PTPRT: variants seen among roughly 807,000 people sequenced by gnomAD.
The protein encoded by PTPRT is protein tyrosine phosphatase receptor type T.
A neutral mutation model predicts 176.8 loss-of-function variants in PTPRT; 56 were observed. The observed-to-expected ratio is 0.32, with a 90% CI of 0.26 to 0.40. PTPRT has a LOEUF of 0.40. PTPRT is among the 10% of genes least tolerant of loss of function. The pLI, the probability that PTPRT is intolerant of heterozygous loss-of-function variation, is 1.00. For missense variants in PTPRT, 1,540 were observed against 1,908.2 expected, an observed-to-expected ratio of 0.81 and a Z score of 3.60; for synonymous variants, 783 against 739.0, an observed-to-expected ratio of 1.06 and a Z score of -0.96.
rs190322943 is a variant in PTPRT at position 42,343,355 on chromosome 20, G to A, written c.1865+7273C>T. Among the ~76,000 whole-genome samples the A allele has an allele frequency of 2.5e-4, 38 of 152,262 alleles. 1 individual carries two copies. The highest frequency in any genetic ancestry group is 8.9e-4 in the African/African-American group (37 of 41,560). On this transcript the variant is annotated intron_variant, in intron 11 of 30. Transcript: ENST00000373187. ...CCCACGAACCAAGCCAGAAAACTGG[G>A]AGTCATGCTGGACAATGTCTTTTCC... is the stretch of plus-strand genomic sequence containing the variant.
intron 1 of PTPRT, among the ~76,000 whole-genome samples, chr20:42,941,088 AAATAAT>A (rs528920602): frequency 2.6e-4 from 39 of 150,466 alleles, no homozygotes; most frequent in African/African-American, 7.3e-4. Flanking sequence ...TCTCAAAAAA[AAATAAT>A]AATAATAATA....
intron 1 of PTPRT, among the ~76,000 whole-genome samples, chr20:43,085,962 C>G (rs1305413329): frequency 2.6e-5 from 4 of 152,066 alleles, no homozygotes; most frequent in African/African-American, 9.7e-5. Flanking sequence ...TCCCCACCCC[C>G]CCACAACTGA....
chr20:42,825,876 C>A (rs78205585), intron 2 of PTPRT, among the ~76,000 whole-genome samples: 13,275 of 151,956 alleles, frequency 0.087, 654 homozygotes, highest in South Asian at 0.2. Flanking sequence ...ACCAATTTAA[C>A]CCATGGAGTA....
chr20:42,798,703 T>C (rs1224758941), intron 2 of PTPRT, among the ~76,000 whole-genome samples: 1 of 152,168 alleles, frequency 6.6e-6, no homozygotes, highest in African/African-American at 2.4e-5. Context: ...TTTGTCACTT[T>C]GCGTGAACAA....
chr20:42,379,536 A>G (rs536074296), intron 9 of PTPRT, among the ~76,000 whole-genome samples: 1 of 152,312 alleles, frequency 6.6e-6, no homozygotes, highest in African/African-American at 2.4e-5. Flanking sequence ...CTTTTCCTAG[A>G]GGCACCTGAG....
chr20:42,852,216 A>C (rs2078485026), intron 2 of PTPRT, among the ~76,000 whole-genome samples: 1 of 152,204 alleles, frequency 6.6e-6, no homozygotes, highest in South Asian at 2.1e-4. Flanking sequence ...ATAAATATGT[A>C]ATCACTTTGG....
chr20:42,997,612 T>C (rs182105520), intron 1 of PTPRT, among the ~76,000 whole-genome samples: 67 of 152,288 alleles, frequency 4.4e-4, no homozygotes, highest in Middle Eastern at 3.4e-3. Context: ...AATAAATGAT[T>C]GTTATTGTTC....
chr20:42,192,965 G>T (rs575871922), intron 16 of PTPRT, among the ~76,000 whole-genome samples: 1 of 152,246 alleles, frequency 6.6e-6, no homozygotes, highest in East Asian at 1.9e-4. Context: ...CCAGTAAGAA[G>T]CACTGTTCTC....
intron 7 of PTPRT, among the ~76,000 whole-genome samples, chr20:42,570,083 C>T (rs748672157): frequency 6.6e-6 from 1 of 152,156 alleles, no homozygotes; most frequent in Non-Finnish European, 1.5e-5. Context: ...CACATGGCTC[C>T]CTCTGTCCTT....
At chr20:42,061,480 T>C in the PTPRT span, among the ~76,000 whole-genome samples, 2 of 152,250 alleles carry the variant, frequency 1.3e-5, no homozygotes, top group Non-Finnish European at 2.9e-5. Flanking sequence ...TTTTAATGTG[T>C]TGATAGTTTA....
At chr20:42,723,932 C>CA (rs1376325739) in intron 6 of PTPRT, among the ~76,000 whole-genome samples, 2 of 152,176 alleles carry the variant, frequency 1.3e-5, no homozygotes, top group East Asian at 3.9e-4. Flanking sequence ...GACTGGGACT[C>CA]AAATCCTTGC....
chr20:42,571,245 T>C (rs2073148100), intron 7 of PTPRT, among the ~76,000 whole-genome samples: 2 of 152,348 alleles, frequency 1.3e-5, no homozygotes, highest in South Asian at 2.1e-4. Flanking sequence ...TACTTGGTAG[T>C]TGAATCATGT....
rs2074381550 is a variant in PTPRT at position 42,630,424 on chromosome 20, C to T, written c.1153+47442G>A. On this transcript the variant is annotated intron_variant, in intron 7 of 30. Coordinates refer to ENST00000373187, the MANE Select transcript of PTPRT (RefSeq NM_007050.6). ...CAGCAATGATAAACTAATACAACAGCCCTGACTTGGGGGGAGGGTAAAGGA... is the reference window on the plus strand; with the variant it reads ...CAGCAATGATAAACTAATACAACAGTCCTGACTTGGGGGGAGGGTAAAGGA... Among the ~76,000 whole-genome samples the T allele has an allele frequency of 3.9e-5, 6 of 152,170 alleles. No individual in the cohort carries two copies. In the South Asian group the frequency reaches 1.2e-3, roughly 32 times the overall value.
intron 7 of PTPRT, among the ~76,000 whole-genome samples, chr20:42,541,898 T>G (rs1391347742): frequency 6.7e-6 from 1 of 149,678 alleles, no homozygotes; most frequent in South Asian, 2.1e-4. Context: ...AGTGATACGG[T>G]TTGGCTGTGT....
intron 2 of PTPRT, among the ~76,000 whole-genome samples, chr20:42,847,665 C>G (rs2078398082): frequency 6.6e-6 from 1 of 152,148 alleles, no homozygotes; most frequent in Admixed American, 6.5e-5. Flanking sequence ...TCTCACAGAC[C>G]TGTAGCTGCC....
intron 2 of PTPRT, among the ~76,000 whole-genome samples, chr20:42,879,008 G>A (rs909033101): frequency 3.9e-5 from 6 of 152,038 alleles, no homozygotes; most frequent in South Asian, 2.1e-4. Context: ...CAGCCCTGGC[G>A]ACCGAGCGAG....
At chr20:42,346,295 G>C (rs930718028) in intron 11 of PTPRT, among the ~76,000 whole-genome samples, 5 of 152,172 alleles carry the variant, frequency 3.3e-5, no homozygotes, top group African/African-American at 1.2e-4. Flanking sequence ...CCTCACTTCA[G>C]GGACTGCATT....
chr20:42,340,056 G>A (rs2145471742), intron 11 of PTPRT, among the ~76,000 whole-genome samples: 1 of 152,284 alleles, frequency 6.6e-6, no homozygotes, highest in Non-Finnish European at 1.5e-5. Flanking sequence ...GAGCAATGTA[G>A]TAAAATAGAA....
intron 11 of PTPRT, among the ~76,000 whole-genome samples, chr20:42,340,287 T>C (rs2058093952): frequency 6.6e-6 from 1 of 152,212 alleles, no homozygotes; most frequent in Non-Finnish European, 1.5e-5. Flanking sequence ...CAGTTGTTAC[T>C]GGGGGTGCTA....
Sources: allele counts gnomAD v4.1 joint callset (sites outside exome capture counted in the v4.1 genomes callset), GRCh38; gene constraint gnomAD v4.1.1; transcripts MANE v1.5; gene names NCBI Gene and HGNC (gene_info 2026-07-23, HGNC 2026-07-21).